LRMDA: variants seen among roughly 807,000 people sequenced by gnomAD.
LRMDA encodes the protein leucine-rich melanocyte differentiation-associated protein.
In LRMDA, 18 loss-of-function variants were observed where a neutral mutation model predicts 29.8. That is an observed-to-expected ratio of 0.60 (90% CI 0.42 to 0.90). The LOEUF (loss-of-function observed/expected upper bound fraction) is 0.90, where lower values mean the gene tolerates loss of function less well. LRMDA is among the 40% of genes least tolerant of loss of function. The probability of loss-of-function intolerance (pLI) is 0.00; values close to 1 mark genes in which losing one functional copy is unlikely to be tolerated. For synonymous variants in LRMDA, 125 were observed against 109.4 expected (o/e 1.14, Z -0.89); for missense variants, 273 against 273.9 (o/e 1.00, Z 0.02).
chr10:75,536,084 T>C (rs1839940149), intron 2 of LRMDA, among the ~76,000 whole-genome samples: 1 of 152,142 alleles, frequency 6.6e-6, no homozygotes, highest in Non-Finnish European at 1.5e-5. Context: ...CATGCCGCCG[T>C]CGCTCTGTTC....
chr10:76,391,765 C>T (rs1022887533), intron 6 of LRMDA, among the ~76,000 whole-genome samples: 2 of 152,112 alleles, frequency 1.3e-5, no homozygotes, highest in Admixed American at 6.6e-5. Context: ...TCTCATAGCT[C>T]TTGTCTTTCA....
At chr10:76,194,627 T>C (rs915553126) in intron 5 of LRMDA, among the ~76,000 whole-genome samples, 5 of 152,170 alleles carry the variant, frequency 3.3e-5, no homozygotes, top group African/African-American at 1.2e-4. Context: ...TATGAGGCAG[T>C]TGGAAAACGT....
At chr10:75,931,167 AG>A (rs1846199801) in intron 2 of LRMDA, among the ~76,000 whole-genome samples, 1 of 152,216 alleles carries the variant, frequency 6.6e-6, no homozygotes, top group South Asian at 2.1e-4. Context: ...GTATCTCTCC[AG>A]GGTGGAATCA....
At chr10:76,191,541 A>G (rs1851246823) in intron 5 of LRMDA, among the ~76,000 whole-genome samples, 1 of 152,198 alleles carries the variant, frequency 6.6e-6, no homozygotes, top group South Asian at 2.1e-4. Context: ...TGTTTGAGCT[A>G]ATGGCTAGGC....
At chr10:76,369,132 C>T (rs1841424929) in intron 6 of LRMDA, among the ~76,000 whole-genome samples, 1 of 152,098 alleles carries the variant, frequency 6.6e-6, no homozygotes, top group South Asian at 2.1e-4. Context: ...GGTGCTGTTG[C>T]TTTTATCATG....
intron 2 of LRMDA, among the ~76,000 whole-genome samples, chr10:75,943,037 C>T (rs1033331391): frequency 2.0e-5 from 3 of 151,982 alleles, no homozygotes; most frequent in Non-Finnish European, 4.4e-5. Flanking sequence ...CCATTTTTGT[C>T]TCCGAGTAGG....
intron 6 of LRMDA, among the ~76,000 whole-genome samples, chr10:76,425,457 C>G (rs997253424): frequency 6.6e-6 from 1 of 151,706 alleles, no homozygotes; most frequent in African/African-American, 2.4e-5. Flanking sequence ...TTAACCTCTG[C>G]GTCTCAATTT....
chr10:75,587,818 C>T (rs965201580), intron 2 of LRMDA, among the ~76,000 whole-genome samples: 1 of 152,192 alleles, frequency 6.6e-6, no homozygotes, highest in African/African-American at 2.4e-5. Context: ...GCCTGTCGAT[C>T]CCTGGTCCAA....
chr10:76,064,434 A>G (rs1848751914), intron 5 of LRMDA, among the ~76,000 whole-genome samples: 1 of 152,084 alleles, frequency 6.6e-6, no homozygotes, highest in African/African-American at 2.4e-5. Context: ...CTCATGAAAC[A>G]TGTTAGGGTA....
At chr10:76,542,301 T>G (rs1170575308) in intron 6 of LRMDA, among the ~76,000 whole-genome samples, 20 of 152,248 alleles carry the variant, frequency 1.3e-4, no homozygotes, top group Admixed American at 1.3e-3. Flanking sequence ...AAGATCATTT[T>G]GTCTTTGAAT....
chr10:75,769,274 C>T (rs1875160), intron 2 of LRMDA, among the ~76,000 whole-genome samples: 133,910 of 152,268 alleles, frequency 0.88, 59,253 homozygotes, highest in East Asian at 1. Context: ...CTTGGGTTGC[C>T]ACAAGAAAAA....
At chr10:75,874,401 C>G (rs1390239194) in intron 2 of LRMDA, among the ~76,000 whole-genome samples, 1 of 152,192 alleles carries the variant, frequency 6.6e-6, no homozygotes, top group Non-Finnish European at 1.5e-5. Flanking sequence ...ATCTAGACAC[C>G]TGTGTAACTA....
At chr10:76,514,434 C>T (rs149212666) in intron 6 of LRMDA, among the ~76,000 whole-genome samples, 16 of 152,236 alleles carry the variant, frequency 1.1e-4, no homozygotes, top group African/African-American at 2.6e-4. Flanking sequence ...GATGTCAAGA[C>T]GGACAATGCC....
intron 2 of LRMDA, among the ~76,000 whole-genome samples, chr10:75,859,600 TACACACACACACACAC>T (rs71024575): frequency 1.9e-4 from 15 of 77,548 alleles, no homozygotes; most frequent in South Asian, 9.9e-4. Flanking sequence ...ATTCAGGGCA[TACACACACACACACAC>T]ACACACACAC....
chr10:75,558,133 T>C (rs1247767859), intron 2 of LRMDA, among the ~76,000 whole-genome samples: 1 of 151,712 alleles, frequency 6.6e-6, no homozygotes, highest in Non-Finnish European at 1.5e-5. Context: ...AAAAAGTAAA[T>C]TAGGTGATTG....
intron 2 of LRMDA, among the ~76,000 whole-genome samples, chr10:75,481,575 A>T (rs1780442504): frequency 6.6e-6 from 1 of 152,170 alleles, no homozygotes; most frequent in African/African-American, 2.4e-5. Context: ...GTCATCTGTC[A>T]CCTGGACTTT....
chr10:76,308,703 A>G (rs1840591344), intron 5 of LRMDA, among the ~76,000 whole-genome samples: 2 of 152,212 alleles, frequency 1.3e-5, no homozygotes, highest in Admixed American at 6.5e-5. Flanking sequence ...CATATGGCTC[A>G]CATTTTCTTC....
chr10:75,539,217 A>G (rs1468631991), intron 2 of LRMDA, among the ~76,000 whole-genome samples: 2 of 152,184 alleles, frequency 1.3e-5, no homozygotes, highest in Admixed American at 6.5e-5. Flanking sequence ...TCAGCAGAGC[A>G]TGAAAACTGG....
intron 2 of LRMDA, among the ~76,000 whole-genome samples, chr10:75,554,356 C>T (rs1840188877): frequency 6.6e-6 from 1 of 152,076 alleles, no homozygotes; most frequent in African/African-American, 2.4e-5. Flanking sequence ...ATTTATACTG[C>T]AGAAGAGAAA....
Sources: gnomAD v4.1 joint callset for allele counts (sites outside exome capture counted in the v4.1 genomes callset) on GRCh38, gnomAD v4.1.1 for gene constraint, MANE v1.5 for transcripts, NCBI Gene and HGNC (gene_info 2026-07-23, HGNC 2026-07-21) for gene names.